The following GBF1 variants were observed in gnomAD, a reference collection of about 807,000 sequenced individuals.
The protein encoded by GBF1 is Golgi-specific brefeldin A-resistance guanine nucleotide exchange factor 1.
GBF1 carries 114 observed loss-of-function variants against 210.5 expected under a neutral mutation model. The observed-to-expected ratio is 0.54, with a 90% confidence interval of 0.47 to 0.63. The LOEUF (loss-of-function observed/expected upper bound fraction) is 0.63, where lower values mean the gene tolerates loss of function less well. Ranked by LOEUF, GBF1 falls within the 30% of genes least tolerant of loss-of-function variation. GBF1 has a pLI of 0.00. For missense variants in GBF1, 1,851 were observed against 2,357.7 expected (o/e 0.79, Z 4.45); for synonymous variants, 850 against 889.2 (o/e 0.96, Z 0.78).
chr10:102,374,114 C>A (rs1347467196), intron 29 of GBF1, among the ~76,000 whole-genome samples: 1 of 152,176 alleles, frequency 6.6e-6, no homozygotes, highest in Non-Finnish European at 1.5e-5. Context: ...CTTTGGGAAA[C>A]TGAGGCTGGT....
chr10:102,250,088 A>G (rs1590445851), intron 1 of GBF1, among the ~76,000 whole-genome samples: 1 of 84,550 alleles, frequency 1.2e-5, no homozygotes, highest in African/African-American at 5.9e-5. Context: ...CAGAAAGTCC[A>G]TCAGTTTTTC....
At chr10:102,356,437 G>A (rs1204221502) in intron 8 of GBF1, among the ~76,000 whole-genome samples, 2 of 152,256 alleles carry the variant, frequency 1.3e-5, no homozygotes, top group East Asian at 3.9e-4. Context: ...TAGAGGGACT[G>A]AGTTCAAACC....
chr10:102,375,614 G>A (rs1008862013), intron 30 of GBF1, 30 bp downstream of exon 30: 6 of 1,445,282 alleles, frequency 4.2e-6, no homozygotes, highest in South Asian at 2.3e-5. Context: ...GACTCAGGCT[G>A]GCAGATAAAC....
intron 3 of GBF1, among the ~76,000 whole-genome samples, chr10:102,289,541 A>T (rs969876807): frequency 6.6e-6 from 1 of 152,214 alleles, no homozygotes; most frequent in African/African-American, 2.4e-5. Context: ...CCTGAGCAAC[A>T]TAGTGAGACC....
intron 3 of GBF1, among the ~76,000 whole-genome samples, chr10:102,293,638 C>T (rs1302183385): frequency 2.0e-5 from 3 of 150,838 alleles, no homozygotes; most frequent in Non-Finnish European, 4.4e-5. Flanking sequence ...TAGGCCTAGG[C>T]CAATGTGAGT....
At chr10:102,304,239 C>T (rs796588237) in intron 3 of GBF1, among the ~76,000 whole-genome samples, 3 of 152,048 alleles carry the variant, frequency 2.0e-5, no homozygotes, top group Non-Finnish European at 4.4e-5. Flanking sequence ...GGATATGGAC[C>T]GTTCTTTGAA....
At chr10:102,343,556 G>A (rs921737426) in intron 3 of GBF1, among the ~76,000 whole-genome samples, 31 of 152,100 alleles carry the variant, frequency 2.0e-4, no homozygotes, top group African/African-American at 4.8e-5. Context: ...GGTGGCTCGC[G>A]CCTGTAATCC....
At position 102,358,598 on chromosome 10, in the gene GBF1, C is replaced by G; in HGVS notation, c.880C>G (p.Leu294Val). ...AVVSPSTDSG[L>V]EFSSQTTSKE... is the part of the protein sequence containing the mutation. ...GGTCAGTCCCTCTACAGACAGTGGCCTGGAATTCTCCTCCCAAACCACTTC... is the reference window on the plus strand; with the variant it reads ...GGTCAGTCCCTCTACAGACAGTGGCGTGGAATTCTCCTCCCAAACCACTTC... Residue 294 changes from leucine (L) to valine (V), a missense_variant, in exon 10 of 40, where the codon CTG (leucine) becomes GTG (valine). Physicochemically the swap from Leu to Val is conservative, Grantham distance 32. Coordinates refer to ENST00000369983, the MANE Select transcript of GBF1 (RefSeq NM_001377137.1). 1.2e-6 allele frequency: 2 copies of G among 1,613,692 alleles called. No homozygotes were observed. The highest frequency in any genetic ancestry group is 1.7e-6 in the Non-Finnish European group (2 of 1,179,554).
chr10:102,337,183 C>T (rs1312181689), intron 3 of GBF1, among the ~76,000 whole-genome samples: 1 of 151,562 alleles, frequency 6.6e-6, no homozygotes, highest in Admixed American at 6.6e-5. Context: ...TCGAGACCAT[C>T]CTGGCTAACG....
At chr10:102,377,922 C>T (rs1370427468) in intron 33 of GBF1, among the ~76,000 whole-genome samples, 2 of 151,940 alleles carry the variant, frequency 1.3e-5, no homozygotes, top group East Asian at 3.9e-4. Flanking sequence ...AATAACCATA[C>T]AAAAATGACA....
At chr10:102,252,624 G>T (rs1565013328) in intron 1 of GBF1, among the ~76,000 whole-genome samples, 1 of 151,904 alleles carries the variant, frequency 6.6e-6, no homozygotes, top group African/African-American at 2.4e-5. Flanking sequence ...CAGGCAGATT[G>T]CTTTGAGCTC....
At position 102,360,214 on chromosome 10, in the gene GBF1, G is replaced by A. The variant is rs773537268; in HGVS notation, c.1211G>A (p.Cys404Tyr). 5.6e-6 allele frequency: 9 copies of A among 1,613,772 alleles called. No homozygotes were observed. In the Middle Eastern group the frequency reaches 8.2e-4, roughly 148 times the overall value. ...GCTTTGGTCCCCTATGGTCTTCCCT[G>A]CATCCGCGAGCTCTTCCGCTTCCTC... Reference protein sequence around the residue: ...GTALVPYGLPCIRELFRFLIS... With the variant: ...GTALVPYGLPYIRELFRFLIS... The change falls in exon 12 of 40, where the codon TGC (cysteine) becomes TAC (tyrosine). Residue 404 changes from cysteine (C) to tyrosine (Y), a missense_variant. Cys to Tyr is a radical substitution (Grantham distance 194). Around this residue, in one of 3 missense-constraint regions of GBF1, gnomAD observed 804 missense variants for 958.6 expected, o/e 0.84. Coordinates refer to ENST00000369983, the MANE Select transcript of GBF1 (RefSeq NM_001377137.1).
intron 3 of GBF1, among the ~76,000 whole-genome samples, chr10:102,274,693 A>G (rs2074757447): frequency 6.9e-6 from 1 of 145,866 alleles, no homozygotes; most frequent in Non-Finnish European, 1.5e-5. Context: ...CAGGTGCAAA[A>G]CAAAGATTTT....
chr10:102,374,871 A>G (rs987430461), intron 29 of GBF1, among the ~76,000 whole-genome samples: 1 of 152,082 alleles, frequency 6.6e-6, no homozygotes, highest in Non-Finnish European at 1.5e-5. Context: ...AATTTTCTCA[A>G]TAAAAATTTG....
chr10:102,271,476 C>T (rs1230240944), intron 3 of GBF1, among the ~76,000 whole-genome samples: 2 of 151,718 alleles, frequency 1.3e-5, no homozygotes, highest in Admixed American at 1.3e-4. Context: ...TGAGCCACTG[C>T]ACCTGGCCCT....
Position 102,248,113 on chromosome 10 carries a change from G to A in GBF1, c.-11+2332G>A, listed in dbSNP as rs1044332175. On this transcript the variant is annotated intron_variant, in intron 1 of 39. Transcript: ENST00000369983. ...TAATCTTTGTATGACACTTCTCATT[G>A]ATTGATCACACACTATATCCCTGTG... is the stretch of plus-strand genomic sequence containing the variant. 1.8e-4 allele frequency among the ~76,000 whole-genome samples: 27 copies of A among 152,240 alleles called. No individual in the cohort carries two copies. In the East Asian group the frequency reaches 4.0e-3, roughly 23 times the overall value.
At chr10:102,358,278 G>T in intron 9 of GBF1, 92 bp downstream of exon 9, 1 of 1,187,888 alleles carries the variant, frequency 8.4e-7, no homozygotes. Context: ...CCAACTGAGG[G>T]GCTTTGGTCT....
In GBF1 at chr10:102,379,936, T is replaced by C. The variant is rs769025240; in HGVS notation, c.4860T>C (p.Ala1620=). The change falls in exon 36 of 40, where the codon GCT becomes GCC. Residue 1620 remains alanine, a synonymous_variant. Transcript: ENST00000369983. The part of the protein sequence containing the change: ...VGGMEETRMR[A]STLLSKVFLQ... ...GGATGGAGGAGACCCGGATGAGGGC[T>C]TCCACATTGCTCTCTAAGGTACTGC... The C allele has an allele frequency of 6.2e-7, 1 of 1,608,384 alleles. No individual in the cohort carries two copies. The highest frequency in any genetic ancestry group is 8.5e-7 in the Non-Finnish European group (1 of 1,175,174).
rs778209114 is a variant in GBF1 at position 102,376,784 on chromosome 10, G to A, written c.4272G>A (p.Glu1424=). The change falls in exon 32 of 40, where the codon GAG becomes GAA. Residue 1424 remains glutamate, a synonymous_variant. Transcript: ENST00000369983. ...TCAAGACTCTCCGGATCTTTGTGGA[G>A]GCCAGTCTGAATGGCGGTGGGTCAG... ...LCVKTLRIFV[E]ASLNGGCKSQ... 5 of 1,609,052 alleles carry A rather than the reference G, an allele frequency of 3.1e-6. No homozygotes were observed. In the East Asian group the frequency reaches 1.1e-4, roughly 36 times the overall value.
Sources: allele counts gnomAD v4.1 joint callset (sites outside exome capture counted in the v4.1 genomes callset), GRCh38; gene constraint gnomAD v4.1.1; regional missense constraint gnomAD v4.1.1; transcripts MANE v1.5; gene names NCBI Gene and HGNC (gene_info 2026-07-23, HGNC 2026-07-21).